Variants in ANKS1B observed in about 807,000 individuals in gnomAD.
ANKS1B encodes ankyrin repeat and sterile alpha motif domain containing 1B, also known as ankyrin repeat and sterile alpha motif domain-containing protein 1B.
Under a neutral mutation model 148.3 loss-of-function variants are expected in ANKS1B, and 36 were observed. The observed-to-expected ratio is 0.24, with a 90% CI of 0.19 to 0.32. ANKS1B has a LOEUF of 0.32. ANKS1B is among the 10% of genes least tolerant of loss of function. ANKS1B has a pLI of 1.00. For synonymous variants in ANKS1B, 542 were observed against 560.8 expected (o/e 0.97, Z 0.47); for missense variants, 1,157 against 1,542.6 (o/e 0.75, Z 4.19).
intron 8 of ANKS1B, among the ~76,000 whole-genome samples, chr12:99,745,695 TAAGAA>T (rs1461140209): frequency 2.6e-5 from 4 of 152,052 alleles, no homozygotes; most frequent in African/African-American, 9.7e-5. Flanking sequence ...ACAATTTAAT[TAAGAA>T]AACAAAAAAT....
chr12:98,828,614 T>A (rs1266143027), intron 19 of ANKS1B, among the ~76,000 whole-genome samples: 1 of 152,184 alleles, frequency 6.6e-6, no homozygotes, highest in East Asian at 1.9e-4. Context: ...GACATGAACA[T>A]CCCTACTAAA....
chr12:99,793,770 T>G (rs2065926323), intron 4 of ANKS1B, among the ~76,000 whole-genome samples: 1 of 152,084 alleles, frequency 6.6e-6, no homozygotes, highest in Non-Finnish European at 1.5e-5. Context: ...GGCAAAGATT[T>G]CTTGAGTAAT....
At chr12:98,880,371 G>A (rs1325005932) in intron 17 of ANKS1B, among the ~76,000 whole-genome samples, 1 of 152,210 alleles carries the variant, frequency 6.6e-6, no homozygotes, top group Non-Finnish European at 1.5e-5. Flanking sequence ...AAGGAAGGTA[G>A]CACTGATATG....
intron 10 of ANKS1B, among the ~76,000 whole-genome samples, chr12:99,464,577 C>A (rs1305120748): frequency 6.6e-6 from 1 of 151,952 alleles, no homozygotes. Context: ...CTAGAATAAC[C>A]AATACAGAGA....
At chr12:99,050,852 C>T (rs531043704) in intron 17 of ANKS1B, among the ~76,000 whole-genome samples, 8 of 150,578 alleles carry the variant, frequency 5.3e-5, no homozygotes, top group East Asian at 2.1e-4. Flanking sequence ...CCACCACGCC[C>T]GGCTAATTTT....
chr12:99,630,807 A>C (rs756289499), intron 9 of ANKS1B, among the ~76,000 whole-genome samples: 20 of 152,158 alleles, frequency 1.3e-4, no homozygotes, highest in Non-Finnish European at 2.4e-4. Flanking sequence ...ACCAGCAAGA[A>C]GGCTCTCACC....
chr12:98,978,186 C>T (rs561465655), intron 17 of ANKS1B, among the ~76,000 whole-genome samples: 1 of 151,890 alleles, frequency 6.6e-6, no homozygotes, highest in African/African-American at 2.4e-5. Context: ...GAATTTATGT[C>T]TATTACCTTG....
At chr12:99,342,016 T>G (rs958457477) in intron 12 of ANKS1B, among the ~76,000 whole-genome samples, 2 of 152,104 alleles carry the variant, frequency 1.3e-5, no homozygotes. Context: ...CATTCAAAAC[T>G]TCATTTAGTC....
At chr12:99,382,119 G>A (rs2093662900) in intron 12 of ANKS1B, among the ~76,000 whole-genome samples, 1 of 152,144 alleles carries the variant, frequency 6.6e-6, no homozygotes, top group South Asian at 2.1e-4. Context: ...AATGACCCAT[G>A]AGAGAAACTT....
At chr12:99,273,424 T>C (rs947614306) in intron 12 of ANKS1B, among the ~76,000 whole-genome samples, 1 of 152,162 alleles carries the variant, frequency 6.6e-6, no homozygotes, top group Non-Finnish European at 1.5e-5. Context: ...ACATAAGTCT[T>C]TGTCTACCTT....
intron 17 of ANKS1B, chr12:99,048,895 G>T (rs1258981144): frequency 6.6e-6 from 1 of 152,238 alleles, no homozygotes; most frequent in Non-Finnish European, 1.5e-5. Flanking sequence ...ATATATGCCT[G>T]GAAAAGTCTA....
intron 11 of ANKS1B, among the ~76,000 whole-genome samples, chr12:99,410,445 G>A (rs531601547): frequency 1.3e-5 from 2 of 152,238 alleles, no homozygotes; most frequent in South Asian, 2.1e-4. Flanking sequence ...CGAGGTGGGC[G>A]GATCACGAGG....
At chr12:99,948,424 T>C (rs1161529058) in intron 1 of ANKS1B, among the ~76,000 whole-genome samples, 1 of 151,898 alleles carries the variant, frequency 6.6e-6, no homozygotes, top group African/African-American at 2.4e-5. Flanking sequence ...ACACCTTTTA[T>C]GCCAACTATT....
intron 12 of ANKS1B, among the ~76,000 whole-genome samples, chr12:99,255,339 T>G (rs2075132865): frequency 6.6e-6 from 1 of 152,128 alleles, no homozygotes; most frequent in Non-Finnish European, 1.5e-5. Context: ...TTACCCCCTT[T>G]TCTTTCCTAA....
intron 21 of ANKS1B, among the ~76,000 whole-genome samples, chr12:98,799,697 T>C (rs1475283692): frequency 6.6e-6 from 1 of 152,056 alleles, no homozygotes; most frequent in Non-Finnish European, 1.5e-5. Flanking sequence ...TACTGTATCA[T>C]CCTGGTACAA....
intron 17 of ANKS1B, among the ~76,000 whole-genome samples, chr12:99,012,045 G>C (rs1387202003): frequency 6.6e-6 from 1 of 152,088 alleles, no homozygotes; most frequent in Non-Finnish European, 1.5e-5. Context: ...TTTCAGGTAC[G>C]TGCATGTCTG....
intron 12 of ANKS1B, among the ~76,000 whole-genome samples, chr12:99,274,532 T>C (rs1367384720): frequency 2.0e-5 from 3 of 152,106 alleles, no homozygotes; most frequent in Non-Finnish European, 4.4e-5. Flanking sequence ...TTCCATACTT[T>C]CCTTTAAGCT....
At chr12:99,851,331 C>T (rs1047181347) in intron 1 of ANKS1B, among the ~76,000 whole-genome samples, 3 of 152,006 alleles carry the variant, frequency 2.0e-5, no homozygotes, top group Admixed American at 6.6e-5. Context: ...TCCCTCATTC[C>T]CTCCAGTTCA....
rs535242196 is a variant in ANKS1B, at chr12:99,185,278, C to G, written c.2420-30883G>C. On this transcript the variant is annotated intron_variant, in intron 14 of 26. Transcript: ENST00000683438. The stretch of plus-strand genomic sequence containing the variant: ...TATGTATGAGAGGCTTTCCAGTGTA[C>G]GTTGAGCCTCAAAGGAATAAAATAA... Among the ~76,000 whole-genome samples, 3 of 152,270 alleles carry G rather than the reference C, an allele frequency of 2.0e-5. No homozygotes were observed. The East Asian group carries it at 5.8e-4, about 29-fold the overall frequency.
Sources: allele counts gnomAD v4.1 joint callset (sites outside exome capture counted in the v4.1 genomes callset), GRCh38; gene constraint gnomAD v4.1.1; transcripts MANE v1.5; gene names NCBI Gene and HGNC (gene_info 2026-07-23, HGNC 2026-07-21).